Variants in HMCN2 observed in about 807,000 individuals in gnomAD.
The protein encoded by HMCN2 is hemicentin-2.
A neutral mutation model predicts 377.5 loss-of-function variants in HMCN2; 325 were observed. The ratio of observed to expected loss-of-function variants is 0.86; its 90% CI spans 0.79 to 0.94. HMCN2 has a LOEUF of 0.94. Among genes scored for constraint, HMCN2 ranks in the 40% least tolerant of loss-of-function variants. The probability of loss-of-function intolerance (pLI) is 0.00; values close to 1 mark genes in which losing one functional copy is unlikely to be tolerated. For synonymous variants in HMCN2, 2,007 were observed against 2,046.8 expected, an observed-to-expected ratio of 0.98 and a Z score of 0.53; for missense variants, 4,543 against 4,725.3, an observed-to-expected ratio of 0.96 and a Z score of 1.13.
chr9:130,306,718 G>A lies in HMCN2; in HGVS notation c.1959-93G>A, dbSNP rs146943246. The A allele has an allele frequency of 1.4e-4, 56 of 412,508 alleles. No homozygotes were observed. The East Asian group carries it at 3.0e-3, about 22-fold the overall frequency. 25.6% of individuals were successfully genotyped at this position (412,508 alleles called of 1,614,324 possible). A position where few individuals can be genotyped will look rare whatever the true frequency, so the allele number is the denominator to read the frequency against. ...AGCAAGCCATCAGTACAGAATGGTCGTCGCTAGTGGCATTGTTAGTGAATT... is the reference window on the plus strand; with the variant it reads ...AGCAAGCCATCAGTACAGAATGGTCATCGCTAGTGGCATTGTTAGTGAATT... On this transcript the variant is annotated intron_variant, in intron 12 of 97. Coordinates refer to ENST00000683500, the MANE Select transcript of HMCN2 (RefSeq NM_001291815.2).
Position 130,386,499 on chromosome 9 carries a change from G to A in HMCN2, c.9366G>A (p.Val3122=). ...CKVSNVAGEA[V]RTFTLTVQVP... ...TCAGCAACGTGGCTGGGGAGGCCGT[G>A]CGGACCTTCACCCTCACCGTCCAGG... The change falls in exon 61 of 98, where the codon GTG becomes GTA. Residue 3122 remains valine (V), a synonymous_variant. Transcript: ENST00000683500. 7.7e-7 allele frequency: 1 copy of A among 1,303,710 alleles called. No individual in the cohort carries two copies. Among genetic ancestry groups the A allele is most frequent in the Non-Finnish European group, 1.0e-6 (1 of 988,892 alleles). 80.8% of individuals were successfully genotyped at this position (1,303,710 alleles called of 1,614,324 possible).
chr9:130,379,476 G>C lies in HMCN2; in HGVS notation c.8431+9G>C, dbSNP rs1841582096. ...GGTGTCTGTGCTGCAAGGTGGGTCA[G>C]GGGTGCGTGAAGAAAGTGGGCGCTT... On this transcript the variant is annotated intron_variant, in intron 54 of 97. Coordinates refer to ENST00000683500, the MANE Select transcript of HMCN2 (RefSeq NM_001291815.2). 2.0e-6 allele frequency: 2 copies of C among 985,300 alleles called. No homozygotes were observed. The highest frequency in any genetic ancestry group is 2.4e-6 in the Non-Finnish European group (2 of 829,492). 61.0% of individuals were successfully genotyped at this position (985,300 alleles called of 1,614,324 possible).
intron 15 of HMCN2, among the ~76,000 whole-genome samples, chr9:130,316,859 C>T (rs1837588742): frequency 6.6e-6 from 1 of 152,136 alleles, no homozygotes; most frequent in Admixed American, 6.5e-5. Flanking sequence ...CCGGCCTCTC[C>T]CCTGACCTCA....
intron 15 of HMCN2, among the ~76,000 whole-genome samples, chr9:130,316,186 C>T (rs1837550355): frequency 6.6e-6 from 1 of 152,152 alleles, no homozygotes; most frequent in Non-Finnish European, 1.5e-5. Context: ...GAGGACTTGC[C>T]ACCCCGTCAC....
rs901148924 is a variant in HMCN2, at chr9:130,403,273, A to C, written c.11958A>C (p.Ser3986=). 82 of 1,289,700 alleles carry C rather than the reference A, an allele frequency of 6.4e-5. No homozygotes were observed. The highest frequency in any genetic ancestry group is 8.1e-5 in the Non-Finnish European group (80 of 988,878). 79.9% of individuals were successfully genotyped at this position (1,289,700 alleles called of 1,614,324 possible). A position where few individuals can be genotyped will look rare whatever the true frequency, so the allele number is the denominator to read the frequency against. ...EEEVLLPCEA[S]GIPRPTITWQ... ...AGGTGCTGCTGCCCTGCGAGGCCTC[A>C]GGCATCCCCCGGCCGACCATCACCT... Residue 3986 remains serine (S), a synonymous_variant, in exon 79 of 98, where the codon TCA becomes TCC. Coordinates refer to ENST00000683500, the MANE Select transcript of HMCN2 (RefSeq NM_001291815.2).
chr9:130,276,944 T>G (rs1452603062), intron 1 of HMCN2, among the ~76,000 whole-genome samples: 1 of 151,936 alleles, frequency 6.6e-6, no homozygotes, highest in African/African-American at 2.4e-5. Context: ...CAGCCCCACT[T>G]GGAGAGAGAA....
At chr9:130,425,568 A>G (rs1376237129) in intron 89 of HMCN2, 119 bp from the exon 90 acceptor site, 15 of 736,682 alleles carry the variant, frequency 2.0e-5, no homozygotes, top group South Asian at 3.5e-5. Context: ...GAGTTGGGGT[A>G]AGGGTCTCAG....
chr9:130,379,311 G>A lies in HMCN2; in HGVS notation c.8275G>A (p.Glu2759Lys), dbSNP rs1280484487. 2.0e-6 allele frequency: 2 copies of A among 985,690 alleles called. No homozygotes were observed. The highest frequency in any genetic ancestry group is 6.2e-5 in the Admixed American group (1 of 16,254). 61.1% of individuals were successfully genotyped at this position (985,690 alleles called of 1,614,324 possible). ...SAAFEILSRE[E>K]EARGGVTEYR... ...AGCCTTCGAGATCCTGTCCCGGGAG[G>A]AGGAGGCCCGGGGCGGAGTCACGGA... Residue 2759 changes from glutamate to lysine, a missense_variant, in exon 54 of 98, where the codon GAG (glutamate) becomes AAG (lysine). Coordinates refer to ENST00000683500, the MANE Select transcript of HMCN2 (RefSeq NM_001291815.2).
chr9:130,371,889 C>G (rs1370606969), intron 46 of HMCN2, among the ~76,000 whole-genome samples: 5 of 152,194 alleles, frequency 3.3e-5, no homozygotes, highest in Non-Finnish European at 7.4e-5. Flanking sequence ...CCTTGGGTTC[C>G]TCTGAGAGGA....
At chr9:130,296,397 C>T (rs540029028) in intron 6 of HMCN2, among the ~76,000 whole-genome samples, 11 of 152,304 alleles carry the variant, frequency 7.2e-5, no homozygotes, top group African/African-American at 1.4e-4. Context: ...TAGACATTCA[C>T]GGGAACAGAC....
At chr9:130,278,530 A>C (rs1308294572) in intron 1 of HMCN2, among the ~76,000 whole-genome samples, 6 of 152,184 alleles carry the variant, frequency 3.9e-5, no homozygotes, top group Admixed American at 3.3e-4. Flanking sequence ...GTGTTCTTCC[A>C]AAATTCATGT....
chr9:130,376,285 G>A (rs1841372489), intron 51 of HMCN2, among the ~76,000 whole-genome samples: 1 of 152,198 alleles, frequency 6.6e-6, no homozygotes, highest in Non-Finnish European at 1.5e-5. Flanking sequence ...CCCCAAGGAA[G>A]TCCTCTGAGG....
rs1438589647 is a variant in HMCN2, at chr9:130,430,440, T to G, written c.14483T>G (p.Val4828Gly). 6.4e-7 allele frequency: 1 copy of G among 1,550,536 alleles called. No homozygotes were observed. Residue 4828 changes from valine (V) to glycine (G), a missense_variant, in exon 95 of 98, where the codon GTC becomes GGC. Val to Gly is a moderately radical substitution (Grantham distance 109). Around this residue, in one of 5 missense-constraint regions of HMCN2, gnomAD observed 1,155 missense variants for 1,157.7 expected, o/e 1.00. Transcript: ENST00000683500. The stretch of plus-strand genomic sequence containing the variant: ...CGGAATGGACAAAATGTGACCACCG[T>G]CAGCCACCGAGGCCCTCTATTGCCC... The part of the protein sequence containing the change: ...LERNGQNVTT[V>G]SHRGPLLPWL...
chr9:130,276,751 G>C (rs1588156179), intron 1 of HMCN2, among the ~76,000 whole-genome samples: 1 of 152,210 alleles, frequency 6.6e-6, no homozygotes, highest in African/African-American at 2.4e-5. Context: ...CGGGCTCAGG[G>C]GCTGTCTGAA....
At chr9:130,425,656 T>TCC in intron 89 of HMCN2, 31 bp from the exon 90 acceptor site, 3 of 330,026 alleles carry the variant, frequency 9.1e-6, no homozygotes, top group South Asian at 2.6e-5. Flanking sequence ...CCCCCACCCC[T>TCC]CCTCCTCCTC....
intron 21 of HMCN2, among the ~76,000 whole-genome samples, chr9:130,326,504 A>G (rs1190242128): frequency 1.3e-5 from 2 of 152,082 alleles, no homozygotes; most frequent in African/African-American, 4.8e-5. Context: ...CGCTCAGTAA[A>G]TACGTCTGGG....
rs74882750 is a variant in HMCN2 at position 130,267,629 on chromosome 9, C to G, written c.259+1492C>G. On this transcript the variant is annotated intron_variant, in intron 1 of 97. Transcript: ENST00000683500. Reference sequence around the variant, plus strand: ...ACAGGTTCTTAGAAAATGGACAAAACAGTGGGAAGACATAGTTCTACGTAG... The same window carrying G: ...ACAGGTTCTTAGAAAATGGACAAAAGAGTGGGAAGACATAGTTCTACGTAG... Among the ~76,000 whole-genome samples the G allele has an allele frequency of 3.6e-3, 544 of 152,312 alleles. 2 individuals carry two copies. The highest frequency in any genetic ancestry group is 0.012 in the African/African-American group (513 of 41,566).
At chr9:130,323,081 C>A (rs1837938011) in intron 19 of HMCN2, among the ~76,000 whole-genome samples, 2 of 152,062 alleles carry the variant, frequency 1.3e-5, no homozygotes, top group South Asian at 4.2e-4. Context: ...TGCCAGGCAT[C>A]TGCTAGTTTC....
chr9:130,297,188 A>G (rs1836215048), intron 7 of HMCN2, among the ~76,000 whole-genome samples: 1 of 152,246 alleles, frequency 6.6e-6, no homozygotes, highest in Non-Finnish European at 1.5e-5. Flanking sequence ...AGTTCAATGA[A>G]AGAACACATG....
Sources: gnomAD v4.1 joint callset for allele counts (sites outside exome capture counted in the v4.1 genomes callset) on GRCh38, gnomAD v4.1.1 for gene constraint, gnomAD v4.1.1 regional missense constraint, MANE v1.5 for transcripts, NCBI Gene and HGNC (gene_info 2026-07-23, HGNC 2026-07-21) for gene names.